The following SLAMF6 variants were observed in gnomAD, a reference collection of about 807,000 sequenced individuals.
SLAMF6 encodes the protein NK-T-B-antigen.
In SLAMF6, 21 loss-of-function variants were observed where a neutral mutation model predicts 38.3. The observed-to-expected ratio is 0.55, with a 90% CI of 0.39 to 0.79. The LOEUF is 0.79. Ranked by LOEUF, SLAMF6 falls within the 30% of genes least tolerant of loss-of-function variation. SLAMF6 has a pLI of 0.00. For synonymous variants in SLAMF6, 152 were observed against 146.3 expected, an observed-to-expected ratio of 1.04 and a Z score of -0.28; for missense variants, 341 against 385.3, an observed-to-expected ratio of 0.89 and a Z score of 0.96.
At chr1:160,498,829 T>G (rs1653732910) in intron 1 of SLAMF6, among the ~76,000 whole-genome samples, 1 of 152,224 alleles carries the variant, frequency 6.6e-6, no homozygotes, top group African/African-American at 2.4e-5. Context: ...TGCTGAGCAT[T>G]TTTTCATGTT....
chr1:160,500,680 G>C (rs1490168681), intron 1 of SLAMF6, among the ~76,000 whole-genome samples: 2 of 152,096 alleles, frequency 1.3e-5, no homozygotes, highest in Non-Finnish European at 2.9e-5. Flanking sequence ...TGGAGACAAA[G>C]ATTTTTGTCT....
rs1653245344 is a variant in SLAMF6, at chr1:160,490,777, T to A, written c.647-92A>T. 13 of 1,517,966 alleles carry A rather than the reference T, an allele frequency of 8.6e-6. No homozygotes were observed. In the East Asian group the frequency reaches 3.1e-4, roughly 36 times the overall value. The allele number at this position is 1,517,966 out of a possible 1,614,324, so 94.0% of individuals were successfully genotyped here. A position where few individuals can be genotyped will look rare whatever the true frequency, so the allele number is the denominator to read the frequency against. On this transcript the variant is annotated intron_variant, in intron 3 of 7. Transcript: ENST00000368057. ...CGTGGAGCCTCTTCTAGGCCATCTT[T>A]GGGGACTAGGTAAGTTTGTCTATAG...
chr1:160,486,981 T>C lies in SLAMF6; in HGVS notation c.951+123A>G. On this transcript the variant is annotated intron_variant, in intron 7 of 7. Transcript: ENST00000368057. Reference sequence around the variant, plus strand: ...TATGTTTTGGTGATGTCCTGAGACTTTCCGCATGCTGCTGCTGTTTGTGCA... The same window carrying C: ...TATGTTTTGGTGATGTCCTGAGACTCTCCGCATGCTGCTGCTGTTTGTGCA... The C allele has an allele frequency of 3.0e-6, 3 of 989,184 alleles. No individual in the cohort carries two copies. In the South Asian group the frequency reaches 4.3e-5, roughly 14 times the overall value. 61.3% of individuals were successfully genotyped at this position (989,184 alleles called of 1,614,324 possible).
chr1:160,513,055 A>G (rs1654571543), intron 1 of SLAMF6, among the ~76,000 whole-genome samples: 1 of 152,212 alleles, frequency 6.6e-6, no homozygotes, highest in South Asian at 2.1e-4. Context: ...GTGGGTAATA[A>G]TGAACTTTGC....
At position 160,490,625 on chromosome 1, in the gene SLAMF6, A is replaced by G. The variant is rs746008570; in HGVS notation, c.707T>C (p.Ile236Thr). 7 of 1,613,992 alleles carry G rather than the reference A, an allele frequency of 4.3e-6. No individual in the cohort carries two copies. Among genetic ancestry groups the G allele is most frequent in the African/African-American group, 2.7e-5 (2 of 75,048 alleles). Residue 236 changes from isoleucine to threonine, a missense_variant, in exon 4 of 8, where the codon ATA becomes ACA. Physicochemically the swap from Ile to Thr is moderately conservative, Grantham distance 89 (BLOSUM62 -1). Coordinates refer to ENST00000368057, the MANE Select transcript of SLAMF6 (RefSeq NM_001184714.2). ...CAGCAGTATGATGAAACCGAAGACT[A>G]TGCATATCCCAGAAACCATAAACAG... is the stretch of plus-strand genomic sequence containing the variant. ...MILFMVSGIC[I>T]VFGFIILLLL...
intron 2 of SLAMF6, among the ~76,000 whole-genome samples, chr1:160,493,590 C>T (rs1199704114): frequency 5.9e-5 from 9 of 152,112 alleles, no homozygotes; most frequent in East Asian, 3.9e-4. Context: ...TATAACAGTG[C>T]CTTGGACGTT....
chr1:160,495,351 A>G (rs951764838), intron 2 of SLAMF6, among the ~76,000 whole-genome samples: 1 of 152,104 alleles, frequency 6.6e-6, no homozygotes, highest in African/African-American at 2.4e-5. Flanking sequence ...TATTTTTCTG[A>G]TATTGACTCA....
chr1:160,489,754 G>A (rs1386673224), intron 5 of SLAMF6, among the ~76,000 whole-genome samples: 1 of 152,140 alleles, frequency 6.6e-6, no homozygotes, highest in Admixed American at 6.5e-5. Context: ...GCCAATCTGA[G>A]TCCAGAGCCT....
intron 1 of SLAMF6, among the ~76,000 whole-genome samples, chr1:160,514,532 C>G (rs1476529813): frequency 6.6e-6 from 1 of 152,136 alleles, no homozygotes; most frequent in African/African-American, 2.4e-5. Context: ...AACTCTCCAT[C>G]CTACAACAAC....
In SLAMF6 at chr1:160,496,411, A is replaced by G. The variant is rs768817307; in HGVS notation, c.50-18T>C. ...TACATTCCCTGTAAACACAGAAGGAAAGGTTTTAAAAATGTTCCTGACCAT... is the reference window on the plus strand; with the variant it reads ...TACATTCCCTGTAAACACAGAAGGAGAGGTTTTAAAAATGTTCCTGACCAT... On this transcript the variant is annotated intron_variant, in intron 1 of 7. Coordinates refer to ENST00000368057, the MANE Select transcript of SLAMF6 (RefSeq NM_001184714.2). 6.2e-7 allele frequency: 1 copy of G among 1,607,412 alleles called. No homozygotes were observed. The highest frequency in any genetic ancestry group is 2.2e-5 in the East Asian group (1 of 44,752).
rs634791 is a variant in SLAMF6, at chr1:160,485,319, A to T, written c.*1388T>A. 0.96 allele frequency: 145,561 copies of T among 152,304 alleles called. 69,606 individuals are homozygous for T. The highest frequency in any genetic ancestry group is 0.99 in the African/African-American group (41,096 of 41,554). 9.4% of individuals were successfully genotyped at this position (152,304 alleles called of 1,614,324 possible). A position where few individuals can be genotyped will look rare whatever the true frequency, so the allele number is the denominator to read the frequency against. The stretch of plus-strand genomic sequence containing the variant: ...CTCCCCCCTTGGCCTCCCAAAGTAC[A>T]GGGATTACAGGTGTGAGCCACCATG... On this transcript the variant is annotated 3_prime_UTR_variant, in exon 8 of 8. Coordinates refer to ENST00000368057, the MANE Select transcript of SLAMF6 (RefSeq NM_001184714.2).
chr1:160,509,807 C>T lies in SLAMF6; in HGVS notation c.49+13337G>A, dbSNP rs78016276. The stretch of plus-strand genomic sequence containing the variant: ...AAAACAAGAGAAATAATCAATGAAA[C>T]CAAAAGTTGGTTCTTTGAAAAGATA... On this transcript the variant is annotated intron_variant, in intron 1 of 7. Transcript: ENST00000368057. Among the ~76,000 whole-genome samples, 1,296 of 152,034 alleles carry T rather than the reference C, an allele frequency of 8.5e-3. 26 individuals are homozygous for T. Among genetic ancestry groups the T allele is most frequent in the African/African-American group, 0.03 (1,247 of 41,492 alleles).
intron 2 of SLAMF6, 136 bp from the exon 3 acceptor site, chr1:160,491,524 T>G (rs1653300541): frequency 7.9e-7 from 1 of 1,268,774 alleles, no homozygotes; most frequent in Non-Finnish European, 1.1e-6. Flanking sequence ...TGTAAATGAC[T>G]CTGCTTATAT....
chr1:160,500,720 A>G (rs568868903), intron 1 of SLAMF6, among the ~76,000 whole-genome samples: 1 of 152,298 alleles, frequency 6.6e-6, no homozygotes, highest in East Asian at 1.9e-4. Flanking sequence ...ACATTCTTGA[A>G]CAGCACCTGG....
intron 2 of SLAMF6, among the ~76,000 whole-genome samples, chr1:160,495,597 C>T (rs903916213): frequency 6.6e-6 from 1 of 152,154 alleles, no homozygotes; most frequent in South Asian, 2.1e-4. Context: ...TCAGACTAGC[C>T]TTTGTGAAAA....
At position 160,515,394 on chromosome 1, in the gene SLAMF6, C is replaced by T. The variant is rs1265982896; in HGVS notation, c.49+7750G>A. Among the ~76,000 whole-genome samples the T allele has an allele frequency of 4.6e-5, 7 of 152,204 alleles. No individual in the cohort carries two copies. The South Asian group carries it at 1.5e-3, about 32-fold the overall frequency. On this transcript the variant is annotated intron_variant, in intron 1 of 7. Coordinates refer to ENST00000368057, the MANE Select transcript of SLAMF6 (RefSeq NM_001184714.2). ...ATAGTCTAAAAGAAAAAGCCCAGGA[C>T]CAGAAGGATTTACAGCTGAATTCTA... is the stretch of plus-strand genomic sequence containing the variant.
At chr1:160,522,575 A>G (rs971585363) in intron 1 of SLAMF6, among the ~76,000 whole-genome samples, 5 of 152,118 alleles carry the variant, frequency 3.3e-5, no homozygotes, top group Non-Finnish European at 7.4e-5. Context: ...TATATAATGC[A>G]TTGCTGGACT....
intron 4 of SLAMF6, 143 bp downstream of exon 4, chr1:160,490,432 A>T (rs1160439141): frequency 7.8e-7 from 1 of 1,289,042 alleles, no homozygotes; most frequent in East Asian, 2.5e-5. Context: ...CCCAGGGATT[A>T]TCTCAGTGGA....
chr1:160,494,159 A>G (rs1156974389), intron 2 of SLAMF6, among the ~76,000 whole-genome samples: 1 of 152,222 alleles, frequency 6.6e-6, no homozygotes, highest in African/African-American at 2.4e-5. Context: ...TATAACTTAT[A>G]CCTTGAAATT....
Sources: allele counts gnomAD v4.1 joint callset (sites outside exome capture counted in the v4.1 genomes callset), GRCh38; gene constraint gnomAD v4.1.1; transcripts MANE v1.5; gene names NCBI Gene and HGNC (gene_info 2026-07-23, HGNC 2026-07-21).